Variants in GALNT9 observed in about 807,000 individuals in gnomAD.
The protein encoded by GALNT9 is GalNAc transferase 9.
GALNT9 carries 47 observed loss-of-function variants against 63.1 expected under a neutral mutation model. That is an observed-to-expected ratio of 0.75 (90% confidence interval 0.59 to 0.95). The LOEUF (loss-of-function observed/expected upper bound fraction) is 0.95. GALNT9 is among the 40% of genes least tolerant of loss of function. The pLI, the probability that GALNT9 is intolerant of heterozygous loss-of-function variation, is 0.00. For missense variants in GALNT9, 829 were observed against 874.8 expected (o/e 0.95, Z 0.66); for synonymous variants, 396 against 365.7 (o/e 1.08, Z -0.94).
chr12:132,317,671 G>A (rs1014340154), intron 1 of GALNT9, among the ~76,000 whole-genome samples: 33 of 152,294 alleles, frequency 2.2e-4, no homozygotes, highest in African/African-American at 6.7e-4. Context: ...TCAAAAACAC[G>A]GTGGCCAGAC....
chr12:132,222,065 G>A (rs1404400788), intron 6 of GALNT9, among the ~76,000 whole-genome samples: 2 of 151,968 alleles, frequency 1.3e-5, no homozygotes, highest in African/African-American at 2.4e-5. Flanking sequence ...CTGCTCTTCC[G>A]TTCGCGGCTG....
At chr12:132,264,534 A>G (rs190821969) in intron 2 of GALNT9, among the ~76,000 whole-genome samples, 37 of 152,332 alleles carry the variant, frequency 2.4e-4, no homozygotes, top group Non-Finnish European at 4.7e-4. Context: ...GTTTAATCTC[A>G]GGAAGGCCTG....
chr12:132,294,218 G>A (rs1202439261), intron 1 of GALNT9, among the ~76,000 whole-genome samples: 1 of 152,188 alleles, frequency 6.6e-6, no homozygotes, highest in Non-Finnish European at 1.5e-5. Context: ...TGTCCCTGGA[G>A]CAGGTGGGTC....
intron 6 of GALNT9, among the ~76,000 whole-genome samples, chr12:132,210,094 G>T (rs1424559920): frequency 6.6e-6 from 1 of 152,184 alleles, no homozygotes; most frequent in Non-Finnish European, 1.5e-5. Flanking sequence ...CTGAGGGGCC[G>T]TCACTAACTG....
At position 132,203,559 on chromosome 12, in the gene GALNT9, C is replaced by T. The variant is rs767421707; in HGVS notation, c.1209G>A (p.Val403=). Residue 403 remains valine (V), a synonymous_variant, in exon 7 of 11, where the codon GTG becomes GTA. Transcript: ENST00000328957. ...AKRNALRAAE[V]WMDDFKSHVY... ...CGTGGGACTTGAAGTCATCCATCCA[C>T]ACCTCGGCGGCGCGCAGGGCGTTGC... 4 of 1,613,898 alleles carry T rather than the reference C, an allele frequency of 2.5e-6. No homozygotes were observed. Among genetic ancestry groups the T allele is most frequent in the East Asian group, 4.5e-5 (2 of 44,880 alleles).
intron 1 of GALNT9, among the ~76,000 whole-genome samples, chr12:132,324,050 A>G (rs1868921838): frequency 6.6e-6 from 1 of 152,268 alleles, no homozygotes; most frequent in South Asian, 2.1e-4. Flanking sequence ...AACCAGCAGG[A>G]GCCATTTGGG....
In GALNT9 at chr12:132,300,496, T is replaced by C. The variant is rs35860526; in HGVS notation, c.239-14066A>G. Among the ~76,000 whole-genome samples, 197 of 76,248 alleles carry C rather than the reference T, an allele frequency of 2.6e-3. 8 individuals are homozygous for C. The highest frequency in any genetic ancestry group is 0.011 in the Middle Eastern group (1 of 90). 50.0% of individuals were successfully genotyped at this position (76,248 alleles called of 152,430 possible). ...CCATAACTAACCCACTCCCACCACA[T>C]CTAACCCATCCCTGAGATGACCAAG... is the stretch of plus-strand genomic sequence containing the variant. On this transcript the variant is annotated intron_variant, in intron 1 of 10. Coordinates refer to ENST00000328957, the MANE Select transcript of GALNT9 (RefSeq NM_001122636.2).
chr12:132,287,586 C>T (rs201738890), intron 1 of GALNT9, among the ~76,000 whole-genome samples: 4 of 152,120 alleles, frequency 2.6e-5, no homozygotes, highest in East Asian at 3.9e-4. Flanking sequence ...GTGTGGCCGC[C>T]GGCGTGAGGT....
chr12:132,305,884 G>A (rs1026609847), intron 1 of GALNT9, among the ~76,000 whole-genome samples: 3 of 152,228 alleles, frequency 2.0e-5, no homozygotes, highest in South Asian at 2.1e-4. Context: ...GGGGACCAGG[G>A]AGCCCTGGGT....
At chr12:132,239,779 G>C (rs1281363203) in intron 6 of GALNT9, among the ~76,000 whole-genome samples, 1 of 152,116 alleles carries the variant, frequency 6.6e-6, no homozygotes, top group Non-Finnish European at 1.5e-5. Flanking sequence ...GGCAGAGACT[G>C]GGAGGCAGAG....
chr12:132,270,297 C>T (rs562920261), intron 2 of GALNT9, among the ~76,000 whole-genome samples: 2 of 152,322 alleles, frequency 1.3e-5, no homozygotes, highest in Admixed American at 6.5e-5. Flanking sequence ...GAAATAGCCC[C>T]GTGTCTCCCT....
intron 9 of GALNT9, among the ~76,000 whole-genome samples, 200 bp from the exon 10 acceptor site, chr12:132,198,159 C>A (rs1478235665): frequency 6.6e-6 from 1 of 152,222 alleles, no homozygotes. Context: ...TGGACGGCGC[C>A]CAAATGCTCC....
At chr12:132,317,969 A>G (rs1868599627) in intron 1 of GALNT9, among the ~76,000 whole-genome samples, 1 of 152,232 alleles carries the variant, frequency 6.6e-6, no homozygotes, top group Admixed American at 6.5e-5. Flanking sequence ...TGATGGGCAC[A>G]CTGGCTCATG....
In GALNT9 at chr12:132,252,932, C is replaced by T. The variant is rs1234756722; in HGVS notation, c.959+4757G>A. On this transcript the variant is annotated intron_variant, in intron 5 of 10. Coordinates refer to ENST00000328957, the MANE Select transcript of GALNT9 (RefSeq NM_001122636.2). This position sits in a 1 kb window ranked among gnomAD's most constrained non-coding sequence, Gnocchi z 5.2. ...AGTAGTGGCCCCGAACGGCTGGGTG[C>T]GCTGATATTTATTGCATACAGGACG... 3.3e-5 allele frequency among the ~76,000 whole-genome samples: 5 copies of T among 150,448 alleles called. No homozygotes were observed. Among genetic ancestry groups the T allele is most frequent in the Admixed American group, 6.6e-5 (1 of 15,086 alleles).
intron 3 of GALNT9, among the ~76,000 whole-genome samples, chr12:132,261,763 G>A (rs1879396734): frequency 6.6e-6 from 1 of 152,266 alleles, no homozygotes; most frequent in Non-Finnish European, 1.5e-5. Flanking sequence ...CAGAGGGAGT[G>A]TCACGGCTGC....
chr12:132,306,826 C>T (rs782118163), intron 1 of GALNT9, among the ~76,000 whole-genome samples: 1 of 152,200 alleles, frequency 6.6e-6, no homozygotes, highest in Non-Finnish European at 1.5e-5. Flanking sequence ...GCACACCCGC[C>T]GCGTGCCCGT....
intron 3 of GALNT9, among the ~76,000 whole-genome samples, chr12:132,262,005 CGT>C (rs1253110294): frequency 1.3e-5 from 2 of 152,158 alleles, no homozygotes; most frequent in Non-Finnish European, 2.9e-5. Flanking sequence ...AGGTGGGAGG[CGT>C]GACTGGCACT....
intron 6 of GALNT9, chr12:132,205,352 C>G (rs1035872294): frequency 2.6e-5 from 4 of 152,210 alleles, no homozygotes; most frequent in Admixed American, 2.6e-4. Flanking sequence ...GCCGTATCGC[C>G]GATCACTTAC....
intron 6 of GALNT9, among the ~76,000 whole-genome samples, chr12:132,227,325 T>G (rs914461183): frequency 1.3e-5 from 2 of 152,062 alleles, no homozygotes; most frequent in Non-Finnish European, 2.9e-5. Flanking sequence ...TGTGGGGAAG[T>G]GCATTGCACG....
Sources: gnomAD v4.1 joint callset for allele counts (sites outside exome capture counted in the v4.1 genomes callset) on GRCh38, gnomAD v4.1.1 for gene constraint, Gnocchi (gnomAD v3.1) non-coding constraint, MANE v1.5 for transcripts, NCBI Gene and HGNC (gene_info 2026-07-23, HGNC 2026-07-21) for gene names.